The following MORN1 variants were observed in gnomAD, a reference collection of about 807,000 sequenced individuals.
MORN1 encodes the protein MORN repeat containing 1, also known as MORN repeat-containing protein 1.
In MORN1, 67 loss-of-function variants were observed where a neutral mutation model predicts 61.9. The observed-to-expected ratio is 1.08, with a 90% CI of 0.89 to 1.33. MORN1 has a LOEUF of 1.33. Among genes scored for constraint, MORN1 ranks in the 40% most tolerant of loss-of-function variants. MORN1 has a pLI of 0.00. For synonymous variants in MORN1, 301 were observed against 292.0 expected (o/e 1.03, Z -0.31); for missense variants, 752 against 691.2 (o/e 1.09, Z -0.99).
At chr1:2,335,839 A>AGCCCAGCCCAGCCCAGCCCGGCCCG (rs1553208783) in intron 12 of MORN1, among the ~76,000 whole-genome samples, 1 of 149,972 alleles carries the variant, frequency 6.7e-6, no homozygotes, top group African/African-American at 2.5e-5. Flanking sequence ...AGCCCAGCCC[A>AGCCCAGCCCAGCCCAGCCCGGCCCG]GCCCAGCGCG....
chr1:2,360,775 CCTGGGCCTCACA>C (rs1194549591), intron 8 of MORN1, among the ~76,000 whole-genome samples: 1 of 152,170 alleles, frequency 6.6e-6, no homozygotes, highest in Non-Finnish European at 1.5e-5. Context: ...GGGACCAGGA[CCTGGGCCTCACA>C]CAGGACTGGG....
intron 6 of MORN1, among the ~76,000 whole-genome samples, chr1:2,379,591 G>T (rs1377670982): frequency 6.6e-6 from 1 of 152,206 alleles, no homozygotes; most frequent in Non-Finnish European, 1.5e-5. Context: ...GACTGGGGGA[G>T]ACTACAGCTG....
chr1:2,323,683 G>A (rs542888373), intron 13 of MORN1: 197 of 985,168 alleles, frequency 2.0e-4, no homozygotes, highest in African/African-American at 1.4e-3. Context: ...GGAGCCTTCC[G>A]CCCAGCCCAG....
chr1:2,342,840 A>ATTT (rs1553211060), intron 10 of MORN1, among the ~76,000 whole-genome samples: 31 of 101,988 alleles, frequency 3.0e-4, no homozygotes, highest in Admixed American at 1.1e-3. Flanking sequence ...ATTTTATTTT[A>ATTT]TATTTTATTT....
At chr1:2,389,858 C>G in intron 2 of MORN1, 67 bp downstream of exon 2, 1 of 1,469,696 alleles carries the variant, frequency 6.8e-7, no homozygotes. Flanking sequence ...CCCAACCTCC[C>G]GGGGAGAAAC....
intron 6 of MORN1, among the ~76,000 whole-genome samples, chr1:2,382,196 C>T (rs1388757578): frequency 6.6e-6 from 1 of 152,160 alleles, no homozygotes; most frequent in Non-Finnish European, 1.5e-5. Flanking sequence ...GGGGATGGCC[C>T]TGTCTGGCAG....
intron 5 of MORN1, chr1:2,385,267 C>T (rs1235459437): frequency 3.4e-6 from 2 of 596,338 alleles, no homozygotes; most frequent in Non-Finnish European, 6.0e-6. Flanking sequence ...TCCGCCCACC[C>T]CCACCCTAGA....
intron 8 of MORN1, chr1:2,362,911 G>A (rs921732620): frequency 7.2e-5 from 11 of 151,950 alleles, no homozygotes; most frequent in Admixed American, 2.0e-4. Context: ...ATACAAAAGC[G>A]GAAAGAATTC....
chr1:2,388,138 C>A, intron 3 of MORN1, 101 bp downstream of exon 3: 1 of 912,484 alleles, frequency 1.1e-6, no homozygotes, highest in South Asian at 1.4e-5. Context: ...CACAAAGCTT[C>A]CCGTCTACAC....
intron 8 of MORN1, chr1:2,363,765 A>G (rs1641941980): frequency 7.2e-6 from 1 of 137,978 alleles, no homozygotes; most frequent in Non-Finnish European, 1.5e-5. Flanking sequence ...CTTGTCTCAA[A>G]AAAGAAAAAA....
intron 12 of MORN1, chr1:2,332,815 G>GAGA: frequency 2.3e-6 from 1 of 437,746 alleles, no homozygotes; most frequent in South Asian, 1.6e-5. Flanking sequence ...GAGACGAGGG[G>GAGA]AGAAGCCGGA....
intron 13 of MORN1, chr1:2,322,206 A>T (rs1426773047): frequency 1.0e-6 from 1 of 985,264 alleles, no homozygotes; most frequent in Non-Finnish European, 1.2e-6. Context: ...AAAGTTGGAG[A>T]AACCATAAAA....
intron 10 of MORN1, among the ~76,000 whole-genome samples, chr1:2,341,982 G>A (rs1296350462): frequency 5.3e-5 from 8 of 152,268 alleles, no homozygotes; most frequent in Non-Finnish European, 1.2e-4. Flanking sequence ...GTCCCCGGCA[G>A]TGTCTGGGGC....
chr1:2,337,168 G>A lies in MORN1; in HGVS notation c.1037-318C>T, dbSNP rs146176144. The stretch of plus-strand genomic sequence containing the variant: ...CTCCCATCAGCAGCCCCCGTCAGCC[G>A]AGGCACTCGCTTCCAGGGTAGGGCC... On this transcript the variant is annotated intron_variant, in intron 10 of 13. Transcript: ENST00000378531. This position sits in a 1 kb window ranked among gnomAD's most constrained non-coding sequence, Gnocchi z 5.7. Among the ~76,000 whole-genome samples the A allele has an allele frequency of 3.3e-5, 5 of 152,298 alleles. No individual in the cohort carries two copies. Among genetic ancestry groups the A allele is most frequent in the South Asian group, 4.1e-4 (2 of 4,826 alleles).
chr1:2,345,829 C>CCACACACACACACACACACA (rs57669691), intron 10 of MORN1, among the ~76,000 whole-genome samples: 9 of 149,106 alleles, frequency 6.0e-5, no homozygotes, highest in African/African-American at 1.5e-4. Flanking sequence ...ATGTATGCGG[C>CCACACACACACACACACACA]CACACACACA....
chr1:2,385,672 C>T (rs1159484877), intron 5 of MORN1, 135 bp downstream of exon 5: 22 of 708,066 alleles, frequency 3.1e-5, no homozygotes, highest in African/African-American at 5.4e-5. Flanking sequence ...GGGGGGGTGG[C>T]GGGTAGACAG....
intron 13 of MORN1, chr1:2,323,149 G>T (rs1017753389): frequency 1.0e-6 from 1 of 985,322 alleles, no homozygotes; most frequent in African/African-American, 1.7e-5. Flanking sequence ...GGGACGCGGT[G>T]GACCGGTTGA....
At chr1:2,325,348 C>T (rs1350023047) in intron 12 of MORN1, among the ~76,000 whole-genome samples, 1 of 149,636 alleles carries the variant, frequency 6.7e-6, no homozygotes, top group East Asian at 2.0e-4. Context: ...GGCTCTGTGA[C>T]CCAGGCTAGA....
In MORN1 at chr1:2,385,814, G is replaced by C. The variant is rs775860448; in HGVS notation, c.442C>G (p.Leu148Val). The C allele has an allele frequency of 6.2e-7, 1 of 1,613,654 alleles. No individual in the cohort carries two copies. Among genetic ancestry groups the C allele is most frequent in the South Asian group, 1.1e-5 (1 of 91,076 alleles). The change falls in exon 5 of 14, where the codon CTC (leucine) becomes GTC (valine). Residue 148 changes from leucine to valine, a missense_variant. By Grantham distance (32) the Leu-to-Val change is conservative. Coordinates refer to ENST00000378531, the MANE Select transcript of MORN1 (RefSeq NM_024848.3). ...CACAAGACTCATACTCACTGAAAGAGCATCTGCCCAGGGCCGTGCCTCTTG... is the reference window on the plus strand; with the variant it reads ...CACAAGACTCATACTCACTGAAAGACCATCTGCCCAGGGCCGTGCCTCTTG... The part of the protein sequence containing the change: ...DNKRHGPGQM[L>V]FQNGDKYDGD...
Sources: allele counts gnomAD v4.1 joint callset (sites outside exome capture counted in the v4.1 genomes callset), GRCh38; gene constraint gnomAD v4.1.1; non-coding constraint Gnocchi (gnomAD v3.1); transcripts MANE v1.5; gene names NCBI Gene and HGNC (gene_info 2026-07-23, HGNC 2026-07-21).